The following TTC21B variants were observed in gnomAD, a reference collection of about 807,000 sequenced individuals.
TTC21B encodes tetratricopeptide repeat protein 21B.
Under a neutral mutation model 175.1 loss-of-function variants are expected in TTC21B, and 127 were observed. The ratio of observed to expected loss-of-function variants is 0.73; its 90% CI spans 0.63 to 0.84. The LOEUF (loss-of-function observed/expected upper bound fraction) is 0.84. Ranked by LOEUF, TTC21B falls within the 40% of genes least tolerant of loss-of-function variation. TTC21B has a pLI of 0.00. For synonymous variants in TTC21B, 524 were observed against 524.5 expected (o/e 1.00, Z 0.01); for missense variants, 1,561 against 1,558.3 (o/e 1.00, Z -0.03).
intron 20 of TTC21B, among the ~76,000 whole-genome samples, chr2:165,900,909 T>G (rs1483215198): frequency 6.6e-6 from 1 of 151,240 alleles, no homozygotes; most frequent in Non-Finnish European, 1.5e-5. Flanking sequence ...CTTTTCTTTT[T>G]TTTTTTTTTT....
chr2:165,873,863 T>G lies in TTC21B; in HGVS notation c.*892A>C, dbSNP rs542776580. 6.6e-6 allele frequency: 1 copy of G among 152,106 alleles called. No individual in the cohort carries two copies. The highest frequency in any genetic ancestry group is 1.5e-5 in the Non-Finnish European group (1 of 68,010). The allele number at this position is 152,106 out of a possible 1,614,324, so 9.4% of individuals were successfully genotyped here. A position where few individuals can be genotyped will look rare whatever the true frequency, so the allele number is the denominator to read the frequency against. On this transcript the variant is annotated 3_prime_UTR_variant, in exon 29 of 29. Transcript: ENST00000243344. ...ATTTTCTGTACTATACCACCACCCA[T>G]TAACATTACAGAATGCAGGGGGAGC... is the stretch of plus-strand genomic sequence containing the variant.
chr2:165,953,651 G>GCCCGCTCGCTCA, intron 1 of TTC21B, 34 bp downstream of exon 1: 4 of 1,511,032 alleles, frequency 2.6e-6, no homozygotes, highest in Non-Finnish European at 2.7e-6. Flanking sequence ...CCGCCCGCCC[G>GCCCGCTCGCTCA]CCCGCTCACC....
intron 22 of TTC21B, among the ~76,000 whole-genome samples, chr2:165,892,132 G>A (rs755209702): frequency 6.9e-4 from 105 of 152,164 alleles, no homozygotes; most frequent in Non-Finnish European, 6.6e-4. Flanking sequence ...TTTCTTTATA[G>A]TGGTGTCTTT....
chr2:165,886,434 G>C (rs760002219), intron 25 of TTC21B, among the ~76,000 whole-genome samples: 1 of 152,070 alleles, frequency 6.6e-6, no homozygotes, highest in Non-Finnish European at 1.5e-5. Flanking sequence ...TTCCCACTAT[G>C]CTTAGCACTC....
chr2:165,899,832 A>C lies in TTC21B; in HGVS notation c.2806T>G (p.Ser936Ala). 2 of 1,614,106 alleles carry C rather than the reference A, an allele frequency of 1.2e-6. No homozygotes were observed. Among genetic ancestry groups the C allele is most frequent in the South Asian group, 2.2e-5 (2 of 91,084 alleles). Reference sequence around the variant, plus strand: ...AGTAGAGCACACTGCCGCAGGCAGGAATCAGGGTCATCTTGTGCCAGGTAT... The same window carrying C: ...AGTAGAGCACACTGCCGCAGGCAGGCATCAGGGTCATCTTGTGCCAGGTAT... ...RLYLAQDDPDSCLRQCALLLQ... is the reference protein window; with the variant it reads ...RLYLAQDDPDACLRQCALLLQ... Residue 936 changes from serine (S) to alanine (A), a missense_variant, in exon 21 of 29, where the codon TCC becomes GCC. Coordinates refer to ENST00000243344, the MANE Select transcript of TTC21B (RefSeq NM_024753.5).
Position 165,883,886 on chromosome 2 carries a change from T to C in TTC21B, c.3592A>G (p.Lys1198Glu). 6.2e-7 allele frequency: 1 copy of C among 1,614,120 alleles called. No homozygotes were observed. The highest frequency in any genetic ancestry group is 1.1e-5 in the South Asian group (1 of 91,078). ...WNAIDAEEFE[K>E]SWLLLADIYI... ...ATATCAGCAAGTAGCAGCCAACTCT[T>C]CTCAAACTCTTCAGCATCAATAGCA... is the stretch of plus-strand genomic sequence containing the variant. Residue 1198 changes from lysine to glutamate, a missense_variant, in exon 26 of 29, where the codon AAG becomes GAG. Lys to Glu is a moderately conservative substitution (Grantham distance 56). Transcript: ENST00000243344.
intron 26 of TTC21B, among the ~76,000 whole-genome samples, chr2:165,882,495 G>C (rs1684869983): frequency 1.3e-5 from 2 of 151,862 alleles, no homozygotes; most frequent in Admixed American, 1.3e-4. Flanking sequence ...CCCAACTTCG[G>C]CTACTAGAGG....
At chr2:165,939,578 T>A (rs1360196470) in intron 6 of TTC21B, among the ~76,000 whole-genome samples, 1 of 152,170 alleles carries the variant, frequency 6.6e-6, no homozygotes, top group Non-Finnish European at 1.5e-5. Context: ...CTTGATCTCA[T>A]GGCTTTAAAG....
chr2:165,914,698 T>TGTACGTGCGCGCGCGCGCGTGTGTGTG (rs71031214), intron 15 of TTC21B, among the ~76,000 whole-genome samples: 1 of 132,372 alleles, frequency 7.6e-6, no homozygotes, highest in East Asian at 2.2e-4. Flanking sequence ...TGTGTGTGTG[T>TGTACGTGCGCGCGCGCGCGTGTGTGTG]TGTGTATCCC....
At chr2:165,942,448 C>G (rs887833009) in intron 5 of TTC21B, among the ~76,000 whole-genome samples, 1 of 152,132 alleles carries the variant, frequency 6.6e-6, no homozygotes, top group Non-Finnish European at 1.5e-5. Context: ...TGTTATTTCT[C>G]TGTTCAAAAC....
chr2:165,899,184 CCT>C (rs1685469361), intron 21 of TTC21B, among the ~76,000 whole-genome samples: 1 of 152,068 alleles, frequency 6.6e-6, no homozygotes, highest in Admixed American at 6.6e-5. Flanking sequence ...ATGAGCAAGA[CCT>C]ACTGACATTT....
In TTC21B at chr2:165,873,798, C is replaced by G. The variant is rs1432284775; in HGVS notation, c.*957G>C. On this transcript the variant is annotated 3_prime_UTR_variant, in exon 29 of 29. Transcript: ENST00000243344. Reference sequence around the variant, plus strand: ...TCAAGAAAGGAAAGGGAAACACACACTCTACCCTTTTCTAAAAAAGATTTT... The same window carrying G: ...TCAAGAAAGGAAAGGGAAACACACAGTCTACCCTTTTCTAAAAAAGATTTT... 1 of 152,106 alleles carries G rather than the reference C, an allele frequency of 6.6e-6. No individual in the cohort carries two copies. Among genetic ancestry groups the G allele is most frequent in the African/African-American group, 2.4e-5 (1 of 41,420 alleles). 9.4% of individuals were successfully genotyped at this position (152,106 alleles called of 1,614,324 possible).
At chr2:165,931,613 A>C in intron 8 of TTC21B, 145 bp downstream of exon 8, 1 of 722,706 alleles carries the variant, frequency 1.4e-6, no homozygotes, top group Non-Finnish European at 2.4e-6. Flanking sequence ...ACCTCCTCTA[A>C]ACTGCCTTTC....
At chr2:165,910,885 T>C (rs1685910184) in intron 18 of TTC21B, among the ~76,000 whole-genome samples, 1 of 152,078 alleles carries the variant, frequency 6.6e-6, no homozygotes, top group Non-Finnish European at 1.5e-5. Context: ...CACACATATA[T>C]AGAATATATA....
intron 15 of TTC21B, among the ~76,000 whole-genome samples, chr2:165,914,698 T>TGTGCGCGCGCGCGCGCG (rs71031214): frequency 7.6e-6 from 1 of 132,372 alleles, no homozygotes; most frequent in African/African-American, 3.1e-5. Context: ...TGTGTGTGTG[T>TGTGCGCGCGCGCGCGCG]TGTGTATCCC....
chr2:165,876,163 A>G lies in TTC21B; in HGVS notation c.3873+2T>C. On this transcript the variant is annotated splice_donor_variant, in intron 28 of 28. Coordinates refer to ENST00000243344, the MANE Select transcript of TTC21B (RefSeq NM_024753.5). LOFTEE classifies it high-confidence loss of function. ...TTAAGAAATCTAAATTTAAGTGTTT[A>G]CCTGGTGACATATGTCAATTGAATC... is the stretch of plus-strand genomic sequence containing the variant. 1 of 1,579,574 alleles carries G rather than the reference A, an allele frequency of 6.3e-7. No homozygotes were observed. The highest frequency in any genetic ancestry group is 8.7e-7 in the Non-Finnish European group (1 of 1,151,190).
At chr2:165,893,249 A>G (rs1462220878) in intron 22 of TTC21B, among the ~76,000 whole-genome samples, 1 of 152,204 alleles carries the variant, frequency 6.6e-6, no homozygotes, top group African/African-American at 2.4e-5. Flanking sequence ...GTTATTAATA[A>G]TATTTATACT....
intron 22 of TTC21B, among the ~76,000 whole-genome samples, chr2:165,896,491 C>T (rs191529963): frequency 2.8e-4 from 43 of 152,092 alleles, no homozygotes; most frequent in African/African-American, 9.9e-4. Context: ...ACAAGGGCTA[C>T]ACAAAACCCA....
chr2:165,912,665 C>T (rs754902513), intron 16 of TTC21B, 41 bp from the exon 17 acceptor site: 25 of 1,473,430 alleles, frequency 1.7e-5, no homozygotes, highest in Non-Finnish European at 2.3e-5. Flanking sequence ...TAAAAAATAG[C>T]ATAACTGGGT....
Sources: allele counts gnomAD v4.1 joint callset (sites outside exome capture counted in the v4.1 genomes callset), GRCh38; gene constraint gnomAD v4.1.1; transcripts MANE v1.5; gene names NCBI Gene and HGNC (gene_info 2026-07-23, HGNC 2026-07-21).